Variants in HIP1 observed in about 807,000 individuals in gnomAD.
HIP1 encodes the protein huntingtin-interacting protein 1.
HIP1 carries 65 observed loss-of-function variants against 147.6 expected under a neutral mutation model. That is an observed-to-expected ratio of 0.44 (90% CI 0.36 to 0.54). The LOEUF (loss-of-function observed/expected upper bound fraction) is 0.54, where lower values mean the gene tolerates loss of function less well. Ranked by LOEUF, HIP1 falls within the 20% of genes least tolerant of loss-of-function variation. The pLI, the probability that HIP1 is intolerant of heterozygous loss-of-function variation, is 0.00. For synonymous variants in HIP1, 479 were observed against 504.0 expected (o/e 0.95, Z 0.67); for missense variants, 1,061 against 1,299.6 (o/e 0.82, Z 2.82).
At chr7:75,545,051 G>C (rs1406804958) in intron 26 of HIP1, 37 bp downstream of exon 26, 1 of 1,208,172 alleles carries the variant, frequency 8.3e-7, no homozygotes, top group African/African-American at 1.5e-5. Context: ...ATGGAAGAGG[G>C]GTCATGGGAG....
intron 1 of HIP1, among the ~76,000 whole-genome samples, chr7:75,652,166 A>G (rs782068916): frequency 2.0e-5 from 3 of 148,472 alleles, no homozygotes; most frequent in Non-Finnish European, 4.5e-5. Flanking sequence ...AAATAACAAA[A>G]ATTAGCTGGG....
intron 1 of HIP1, among the ~76,000 whole-genome samples, chr7:75,649,691 A>C (rs1554511652): frequency 5.3e-5 from 8 of 152,122 alleles, no homozygotes. Flanking sequence ...AAGACTATGA[A>C]CAACTGAACA....
At chr7:75,639,724 C>T (rs1323320906) in intron 1 of HIP1, among the ~76,000 whole-genome samples, 2 of 151,992 alleles carry the variant, frequency 1.3e-5, no homozygotes, top group African/African-American at 4.8e-5. Context: ...AGGAGGCCGA[C>T]ATTCCAGTGG....
chr7:75,664,602 A>C (rs573108600), intron 1 of HIP1, among the ~76,000 whole-genome samples: 2 of 145,484 alleles, frequency 1.4e-5, no homozygotes, highest in Non-Finnish European at 3.1e-5. Flanking sequence ...ATAGGGAGAG[A>C]GAGAGAGAGA....
chr7:75,637,953 T>C (rs1242732247), intron 1 of HIP1, among the ~76,000 whole-genome samples: 4 of 133,858 alleles, frequency 3.0e-5, no homozygotes, highest in African/African-American at 1.1e-4. Flanking sequence ...TACCTCCTCA[T>C]CTCTATGGCA....
At chr7:75,567,588 G>A (rs1795453984) in intron 9 of HIP1, among the ~76,000 whole-genome samples, 1 of 151,192 alleles carries the variant, frequency 6.6e-6, no homozygotes, top group Non-Finnish European at 1.5e-5. Context: ...AGATCACAAG[G>A]TCAAGAGATC....
intron 25 of HIP1, among the ~76,000 whole-genome samples, chr7:75,545,910 T>C (rs1794544138): frequency 6.6e-6 from 1 of 152,092 alleles, no homozygotes. Context: ...CACTGCATTC[T>C]AGCCTGGCGA....
At chr7:75,591,134 G>T (rs782103160) in intron 4 of HIP1, among the ~76,000 whole-genome samples, 1 of 151,724 alleles carries the variant, frequency 6.6e-6, no homozygotes, top group Non-Finnish European at 1.5e-5. Flanking sequence ...CTAGGTTCAA[G>T]CGATTCTCCT....
At chr7:75,622,881 CTA>C (rs1797896754) in intron 1 of HIP1, among the ~76,000 whole-genome samples, 1 of 123,888 alleles carries the variant, frequency 8.1e-6, no homozygotes, top group Non-Finnish European at 1.6e-5. Context: ...ATCTATCTAT[CTA>C]TCTATCTATC....
At chr7:75,684,318 C>T (rs1031359159) in intron 1 of HIP1, among the ~76,000 whole-genome samples, 3 of 150,452 alleles carry the variant, frequency 2.0e-5, no homozygotes, top group Non-Finnish European at 3.0e-5. Flanking sequence ...TGTGGTGGCG[C>T]GCAACTATAA....
At position 75,651,140 on chromosome 7, in the gene HIP1, C is replaced by T. The variant is rs564156950; in HGVS notation, c.121-51893G>A. On this transcript the variant is annotated intron_variant, in intron 1 of 30. Transcript: ENST00000336926. ...GGGAGGGGCATGGGGGGACTCAGTC[C>T]GCATGAAAACGGGGGAGGGTGAGAG... Among the ~76,000 whole-genome samples the T allele has an allele frequency of 4.0e-5, 6 of 151,634 alleles. No homozygotes were observed. In the South Asian group the frequency reaches 6.3e-4, roughly 16 times the overall value.
At chr7:75,621,716 A>T (rs1361252638) in intron 1 of HIP1, among the ~76,000 whole-genome samples, 1 of 152,132 alleles carries the variant, frequency 6.6e-6, no homozygotes, top group Non-Finnish European at 1.5e-5. Context: ...GAGGCAGAGG[A>T]GGTGTCGAGA....
At chr7:75,615,435 G>T (rs587628118) in intron 1 of HIP1, among the ~76,000 whole-genome samples, 1 of 152,180 alleles carries the variant, frequency 6.6e-6, no homozygotes, top group South Asian at 2.1e-4. Context: ...ATCTGTAGTG[G>T]TGGCTACTTG....
At chr7:75,664,008 ATATATATACACATATATGTG>A (rs1563278294) in intron 1 of HIP1, among the ~76,000 whole-genome samples, 243 of 23,124 alleles carry the variant, frequency 0.011, 66 homozygotes, top group East Asian at 0.016. Flanking sequence ...ATATATGTGT[ATATATATACACATATATGTG>A]TATATATATA....
intron 1 of HIP1, among the ~76,000 whole-genome samples, chr7:75,672,774 A>G (rs558306094): frequency 6.6e-6 from 1 of 152,310 alleles, no homozygotes; most frequent in Admixed American, 6.5e-5. Context: ...ATTTACACCT[A>G]TGTTTCCCTC....
intron 1 of HIP1, among the ~76,000 whole-genome samples, chr7:75,651,823 C>G (rs1325245454): frequency 1.3e-5 from 2 of 152,048 alleles, no homozygotes; most frequent in Admixed American, 6.6e-5. Context: ...GCCTGCATAC[C>G]TACTGTTATA....
At chr7:75,598,418 C>T (rs1301451719) in intron 2 of HIP1, among the ~76,000 whole-genome samples, 2 of 134,766 alleles carry the variant, frequency 1.5e-5, no homozygotes, top group Admixed American at 1.5e-4. Context: ...AAAAAAAAAA[C>T]TCTCTTTTTC....
At chr7:75,571,639 G>A (rs1354984223) in intron 8 of HIP1, among the ~76,000 whole-genome samples, 2 of 152,140 alleles carry the variant, frequency 1.3e-5, no homozygotes, top group African/African-American at 2.4e-5. Flanking sequence ...CTGGAGTGCA[G>A]TGGCACAAAC....
At chr7:75,592,253 A>C in intron 3 of HIP1, 119 bp downstream of exon 3, 3 of 1,425,748 alleles carry the variant, frequency 2.1e-6, no homozygotes, top group Non-Finnish European at 2.9e-6. Flanking sequence ...CTAATGGGGA[A>C]CCCAAAGGCC....
Sources: gnomAD v4.1 joint callset for allele counts (sites outside exome capture counted in the v4.1 genomes callset) on GRCh38, gnomAD v4.1.1 for gene constraint, MANE v1.5 for transcripts, NCBI Gene and HGNC (gene_info 2026-07-23, HGNC 2026-07-21) for gene names.